SRP54: variants seen among roughly 807,000 people sequenced by gnomAD.
SRP54 encodes signal recognition particle subunit SRP54.
Under a neutral mutation model 64.8 loss-of-function variants are expected in SRP54, and 10 were observed. That is an observed-to-expected ratio of 0.15 (90% CI 0.10 to 0.26). SRP54 has a LOEUF of 0.26. SRP54 is among the 10% of genes least tolerant of loss of function. The probability of loss-of-function intolerance (pLI) is 1.00; values close to 1 mark genes in which losing one functional copy is unlikely to be tolerated. For missense variants in SRP54, 325 were observed against 613.7 expected (o/e 0.53, Z 4.97); for synonymous variants, 193 against 185.6 (o/e 1.04, Z -0.32).
intron 3 of SRP54, among the ~76,000 whole-genome samples, chr14:35,000,349 C>T (rs1311065892): frequency 2.6e-5 from 4 of 151,934 alleles, no homozygotes; most frequent in Non-Finnish European, 4.4e-5. Flanking sequence ...GGGTGGATCA[C>T]GAGGTCAGGA....
intron 10 of SRP54, among the ~76,000 whole-genome samples, chr14:35,014,505 C>G (rs969754960): frequency 8.6e-5 from 13 of 152,024 alleles, no homozygotes; most frequent in Admixed American, 8.5e-4. Context: ...GTCTCAAACT[C>G]CTGACCTCAG....
At chr14:34,991,823 C>T (rs1462539942) in intron 1 of SRP54, among the ~76,000 whole-genome samples, 3 of 152,002 alleles carry the variant, frequency 2.0e-5, no homozygotes, top group Admixed American at 6.6e-5. Context: ...AATTCTAACA[C>T]GGAGTTTTCA....
At chr14:35,019,136 T>G in intron 13 of SRP54, 62 bp downstream of exon 13, 1 of 1,159,272 alleles carries the variant, frequency 8.6e-7, no homozygotes, top group East Asian at 2.5e-5. Flanking sequence ...GATGAGAGTT[T>G]CACTGTATTC....
chr14:34,987,246 AAT>A lies in SRP54; in HGVS notation c.-34+4044_-34+4045del, dbSNP rs1555352659. On this transcript the variant is annotated intron_variant, in intron 1 of 15. Transcript: ENST00000216774. ...ACTACATCTGAAAAAAAAAAAAAAA[AAT>A]ATATATATATATGTGTGTGTGTGTG... 3.2e-3 allele frequency among the ~76,000 whole-genome samples: 349 copies of A among 110,036 alleles called. 5 individuals are homozygous for A. Among genetic ancestry groups the A allele is most frequent in the East Asian group, 0.025 (109 of 4,332 alleles). The allele number at this position is 110,036 out of a possible 152,430, so 72.2% of individuals were successfully genotyped here.
At chr14:34,994,016 C>T (rs952763394) in intron 1 of SRP54, among the ~76,000 whole-genome samples, 6 of 141,350 alleles carry the variant, frequency 4.2e-5, no homozygotes, top group African/African-American at 1.1e-4. Context: ...TTTTTTAATA[C>T]GGACTTTCTC....
At chr14:35,007,018 GTC>G (rs1311894977) in intron 4 of SRP54, among the ~76,000 whole-genome samples, 2 of 152,102 alleles carry the variant, frequency 1.3e-5, no homozygotes, top group African/African-American at 4.8e-5. Flanking sequence ...GCAAGACCCT[GTC>G]TCTACAAAAA....
intron 8 of SRP54, among the ~76,000 whole-genome samples, chr14:35,012,488 C>T (rs1327844812): frequency 6.6e-6 from 1 of 152,056 alleles, no homozygotes; most frequent in Non-Finnish European, 1.5e-5. Context: ...AGTTTCTTTT[C>T]AGTTATGTTG....
chr14:34,990,233 C>T (rs990272225), intron 1 of SRP54, among the ~76,000 whole-genome samples: 3 of 152,118 alleles, frequency 2.0e-5, no homozygotes, highest in Admixed American at 6.6e-5. Context: ...TCTTTCTGAA[C>T]GTTGCAATTA....
At chr14:35,001,242 C>T (rs1421017181) in intron 4 of SRP54, among the ~76,000 whole-genome samples, 2 of 149,668 alleles carry the variant, frequency 1.3e-5, no homozygotes, top group East Asian at 3.9e-4. Context: ...ACCTCCGCCT[C>T]CCGGGTTCAA....
intron 4 of SRP54, among the ~76,000 whole-genome samples, chr14:35,006,873 A>T (rs1268404543): frequency 6.6e-6 from 1 of 152,200 alleles, no homozygotes. Flanking sequence ...GGTAGCTTTT[A>T]CATGAAAATG....
In SRP54 at chr14:35,022,980, A is replaced by T. The variant is rs1392493525; in HGVS notation, c.1227A>T (p.Gly409=). 6.2e-7 allele frequency: 1 copy of T among 1,613,948 alleles called. No homozygotes were observed. The highest frequency in any genetic ancestry group is 8.5e-7 in the Non-Finnish European group (1 of 1,179,992). ...QPGRIQRVAR[G]SGVSTRDVQE... is the part of the protein sequence containing the mutation. ...GAAGAATCCAAAGAGTAGCAAGAGG[A>T]TCGGGTGTATCAACAAGAGATGTTC... Residue 409 remains glycine, a synonymous_variant, in exon 14 of 16, where the codon GGA becomes GGT. Transcript: ENST00000216774.
At chr14:35,014,706 A>G in intron 10 of SRP54, 38 bp from the exon 11 acceptor site, 1 of 1,438,098 alleles carries the variant, frequency 7.0e-7, no homozygotes, top group East Asian at 2.3e-5. Context: ...AGCAGGGTAT[A>G]GTATTAGTTG....
At chr14:34,988,764 T>C (rs1229242644) in intron 1 of SRP54, among the ~76,000 whole-genome samples, 1 of 151,682 alleles carries the variant, frequency 6.6e-6, no homozygotes, top group East Asian at 1.9e-4. Context: ...TATTAGCCTT[T>C]GACTGCTTTA....
chr14:35,028,101 T>A lies in SRP54; in HGVS notation c.1341T>A (p.Ser447=), dbSNP rs1190642358. 6.2e-7 allele frequency: 1 copy of A among 1,612,140 alleles called. No homozygotes were observed. The highest frequency in any genetic ancestry group is 8.5e-7 in the Non-Finnish European group (1 of 1,178,974). ...TTTTCCCCTCAGGTGGCGACATGTC[T>A]AAGAATGTGAGCCAGTCACAGATGG... is the stretch of plus-strand genomic sequence containing the variant. ...IKGLFKGGDM[S]KNVSQSQMAK... is the part of the protein sequence containing the mutation. Residue 447 remains serine, a synonymous_variant, in exon 15 of 16, where the codon TCT becomes TCA. Coordinates refer to ENST00000216774, the MANE Select transcript of SRP54 (RefSeq NM_003136.4).
At position 35,024,354 on chromosome 14, in the gene SRP54, T is replaced by G. The variant is rs574895727; in HGVS notation, c.1327+1274T>G. ...TCACTTCCATTTTAATGGTTGAATA[T>G]TTTCTCAATATGTGTTTTTACATTA... On this transcript the variant is annotated intron_variant, in intron 14 of 15. Transcript: ENST00000216774. Among the ~76,000 whole-genome samples the G allele has an allele frequency of 2.9e-3, 446 of 152,290 alleles. 2 individuals carry two copies. The highest frequency in any genetic ancestry group is 4.2e-3 in the Non-Finnish European group (285 of 68,010).
chr14:34,983,744 C>A (rs1473659669), intron 1 of SRP54, among the ~76,000 whole-genome samples: 1 of 152,192 alleles, frequency 6.6e-6, no homozygotes, highest in African/African-American at 2.4e-5. Flanking sequence ...TCACCTGATT[C>A]TTTCACATGC....
rs578011299 is a variant in SRP54, at chr14:35,026,680, T to C, written c.1328-1408T>C. 3.9e-5 allele frequency among the ~76,000 whole-genome samples: 6 copies of C among 152,290 alleles called. No individual in the cohort carries two copies. In the South Asian group the frequency reaches 1.2e-3, roughly 32 times the overall value. ...AAACTTCTGGCCAGGCGCTGTGGCC[T>C]ACGCCTGTAATCCCAGCACTTTGGG... On this transcript the variant is annotated intron_variant, in intron 14 of 15. Transcript: ENST00000216774.
At position 35,029,125 on chromosome 14, in the gene SRP54, A is replaced by G. The variant is rs1197435698; in HGVS notation, c.1488A>G (p.Lys496=). The change falls in exon 16 of 16, where the codon AAA becomes AAG. Residue 496 remains lysine (K), a synonymous_variant. Coordinates refer to ENST00000216774, the MANE Select transcript of SRP54 (RefSeq NM_003136.4). ...AACAGGGTGCTGCTGGCAACATGAA[A>G]GGCATGATGGGATTCAATAATATGT... ...QFQQGAAGNM[K]GMMGFNNM 1 of 1,614,018 alleles carries G rather than the reference A, an allele frequency of 6.2e-7. No homozygotes were observed. Among genetic ancestry groups the G allele is most frequent in the Admixed American group, 1.7e-5 (1 of 59,968 alleles).
chr14:35,015,705 C>T (rs1200479795), intron 11 of SRP54, among the ~76,000 whole-genome samples: 1 of 152,194 alleles, frequency 6.6e-6, no homozygotes, highest in African/African-American at 2.4e-5. Context: ...TTATTCTCAA[C>T]CATTCCAGTT....
Sources: allele counts gnomAD v4.1 joint callset (sites outside exome capture counted in the v4.1 genomes callset), GRCh38; gene constraint gnomAD v4.1.1; transcripts MANE v1.5; gene names NCBI Gene and HGNC (gene_info 2026-07-23, HGNC 2026-07-21).